The following DYM variants were observed in gnomAD, a reference collection of about 807,000 sequenced individuals.
The protein encoded by DYM is dyggve-Melchior-Clausen syndrome protein.
In DYM, 78 loss-of-function variants were observed where a neutral mutation model predicts 93.1. The ratio of observed to expected loss-of-function variants is 0.84; its 90% confidence interval spans 0.70 to 1.01. DYM has a LOEUF of 1.01. Ranked by LOEUF, DYM falls within the 50% of genes least tolerant of loss-of-function variation. The pLI is 0.00. For synonymous variants in DYM, 321 were observed against 319.7 expected, an observed-to-expected ratio of 1.00 and a Z score of -0.04; for missense variants, 789 against 845.0, an observed-to-expected ratio of 0.93 and a Z score of 0.82.
intron 15 of DYM, among the ~76,000 whole-genome samples, chr18:49,119,486 C>A (rs2082190837): frequency 6.6e-6 from 1 of 152,126 alleles, no homozygotes; most frequent in South Asian, 2.1e-4. Flanking sequence ...AATCAGCAAA[C>A]CTCTTGGAAG....
chr18:49,424,480 C>G (rs1176648601), intron 2 of DYM, among the ~76,000 whole-genome samples: 1 of 152,002 alleles, frequency 6.6e-6, no homozygotes, highest in East Asian at 1.9e-4. Flanking sequence ...CCTTTGAAAA[C>G]TGGCACAGGA....
intron 14 of DYM, chr18:49,206,439 C>T (rs1206344388): frequency 6.6e-6 from 1 of 152,114 alleles, no homozygotes; most frequent in African/African-American, 2.4e-5. Flanking sequence ...CTTGGTTTGT[C>T]TCTCTATATA....
chr18:49,299,817 G>A (rs1156238709), intron 8 of DYM, among the ~76,000 whole-genome samples: 1 of 151,474 alleles, frequency 6.6e-6, no homozygotes, highest in Non-Finnish European at 1.5e-5. Context: ...GCTGAGGAGG[G>A]CAGGTCATGA....
intron 13 of DYM, among the ~76,000 whole-genome samples, chr18:49,247,074 G>T (rs2094188660): frequency 6.6e-6 from 1 of 152,224 alleles, no homozygotes; most frequent in South Asian, 2.1e-4. Context: ...TCTCTCTAGA[G>T]CAGAGAGTAG....
intron 9 of DYM, among the ~76,000 whole-genome samples, chr18:49,285,598 T>C (rs189943010): frequency 5.4e-4 from 82 of 152,374 alleles, no homozygotes; most frequent in Non-Finnish European, 7.9e-4. Flanking sequence ...TGAATAGGTC[T>C]GTTGGCTAGG....
At chr18:49,439,376 CCT>C (rs1228535301) in intron 1 of DYM, among the ~76,000 whole-genome samples, 2 of 152,106 alleles carry the variant, frequency 1.3e-5, no homozygotes, top group East Asian at 1.9e-4. Flanking sequence ...ATCATTCCTC[CCT>C]GTTACCCCTT....
intron 2 of DYM, among the ~76,000 whole-genome samples, chr18:49,418,966 A>C (rs1215166805): frequency 6.6e-6 from 1 of 152,138 alleles, no homozygotes; most frequent in African/African-American, 2.4e-5. Flanking sequence ...ACCTTTATAA[A>C]TATACTCTCA....
At chr18:49,413,839 G>A (rs867404612) in intron 2 of DYM, among the ~76,000 whole-genome samples, 2 of 151,896 alleles carry the variant, frequency 1.3e-5, no homozygotes, top group Non-Finnish European at 2.9e-5. Flanking sequence ...GTGAAACCCC[G>A]TCTCCACTAA....
chr18:49,222,046 G>A (rs2093382841), intron 13 of DYM, among the ~76,000 whole-genome samples: 1 of 151,660 alleles, frequency 6.6e-6, no homozygotes, highest in Non-Finnish European at 1.5e-5. Context: ...ACTTTAAAAT[G>A]TAGAAATGAC....
chr18:49,338,482 A>T (rs2063834853), intron 6 of DYM, among the ~76,000 whole-genome samples: 1 of 152,182 alleles, frequency 6.6e-6, no homozygotes, highest in Non-Finnish European at 1.5e-5. Flanking sequence ...AAGAATGAAG[A>T]GGGGCACTTT....
chr18:49,373,446 A>G (rs529572654), intron 5 of DYM, among the ~76,000 whole-genome samples: 1 of 152,150 alleles, frequency 6.6e-6, no homozygotes, highest in Non-Finnish European at 1.5e-5. Context: ...TGGCATTTGT[A>G]AACTGTCATG....
intron 1 of DYM, among the ~76,000 whole-genome samples, chr18:49,456,969 G>C (rs1340123214): frequency 1.3e-5 from 2 of 152,144 alleles, no homozygotes; most frequent in Admixed American, 1.3e-4. Flanking sequence ...AAACCCACTA[G>C]GAAACAGGAT....
intron 1 of DYM, among the ~76,000 whole-genome samples, chr18:49,449,842 C>T (rs2082376466): frequency 1.3e-5 from 2 of 152,110 alleles, no homozygotes; most frequent in Admixed American, 6.6e-5. Context: ...GCCCAGGACC[C>T]CATAAGCCTG....
At chr18:49,388,805 G>A (rs560513011) in intron 3 of DYM, among the ~76,000 whole-genome samples, 147 of 149,748 alleles carry the variant, frequency 9.8e-4, no homozygotes, top group Admixed American at 4.3e-3. Context: ...AGAAAATAAC[G>A]AAATGACACC....
chr18:49,321,323 A>T (rs2062466290), intron 8 of DYM: 1 of 398,178 alleles, frequency 2.5e-6, no homozygotes. Flanking sequence ...ATACAAACTA[A>T]TTCATTCTTC....
intron 2 of DYM, among the ~76,000 whole-genome samples, chr18:49,399,349 T>C (rs890563612): frequency 7.2e-5 from 11 of 152,102 alleles, no homozygotes; most frequent in African/African-American, 2.7e-4. Flanking sequence ...ACAGAGAGCC[T>C]GGCATGCCCT....
chr18:49,441,787 G>T (rs2081651282), intron 1 of DYM, among the ~76,000 whole-genome samples: 1 of 152,052 alleles, frequency 6.6e-6, no homozygotes, highest in African/African-American at 2.4e-5. Flanking sequence ...GCTAAAGAGC[G>T]AGAGACAGGG....
Position 49,036,924 on chromosome 18 carries a change from C to T in DYM, c.*7131G>A, listed in dbSNP as rs1053321805. 1.6e-4 allele frequency among the ~76,000 whole-genome samples: 25 copies of T among 151,930 alleles called. No homozygotes were observed. The highest frequency in any genetic ancestry group is 4.1e-4 in the South Asian group (2 of 4,830). ...ATTCTTTTATTTATTTATTTTGGGA[C>T]GGAGTCTCGCTCTGTTGCCCAGGCT... On this transcript the variant is annotated 3_prime_UTR_variant, in exon 18 of 18. Coordinates refer to ENST00000675505, the MANE Select transcript of DYM (RefSeq NM_001353214.3).
intron 14 of DYM, among the ~76,000 whole-genome samples, chr18:49,195,806 G>C (rs1426281279): frequency 6.6e-6 from 1 of 152,006 alleles, no homozygotes; most frequent in Non-Finnish European, 1.5e-5. Flanking sequence ...AGAAGACTTA[G>C]GGAGCCTTCG....
Sources: allele counts gnomAD v4.1 joint callset (sites outside exome capture counted in the v4.1 genomes callset), GRCh38; gene constraint gnomAD v4.1.1; transcripts MANE v1.5; gene names NCBI Gene and HGNC (gene_info 2026-07-23, HGNC 2026-07-21).